Variants in DGLUCY observed in about 807,000 individuals in gnomAD.
The protein encoded by DGLUCY is D-glutamate cyclase, also known as D-glutamate cyclase, mitochondrial.
In DGLUCY, 58 loss-of-function variants were observed where a neutral mutation model predicts 58.5. That is an observed-to-expected ratio of 0.99 (90% CI 0.80 to 1.23). The LOEUF is 1.23. DGLUCY is among the 50% of genes most tolerant of loss of function. The pLI, the probability that DGLUCY is intolerant of heterozygous loss-of-function variation, is 0.00. For synonymous variants in DGLUCY, 325 were observed against 314.1 expected, an observed-to-expected ratio of 1.03 and a Z score of -0.37; for missense variants, 779 against 784.7, an observed-to-expected ratio of 0.99 and a Z score of 0.09.
At chr14:91,070,604 G>C (rs2043898632) in intron 1 of DGLUCY, among the ~76,000 whole-genome samples, 1 of 152,112 alleles carries the variant, frequency 6.6e-6, no homozygotes, top group South Asian at 2.1e-4. Context: ...AAACTGAGTG[G>C]CAAATCTCAA....
At chr14:91,061,481 A>G (rs1161276877) in intron 1 of DGLUCY, among the ~76,000 whole-genome samples, 1 of 152,268 alleles carries the variant, frequency 6.6e-6, no homozygotes, top group Admixed American at 6.5e-5. Context: ...CAAAAGAACT[A>G]TAAAGCAGAA....
At chr14:91,109,628 C>G (rs2044659866), upstream of DGLUCY, among the ~76,000 whole-genome samples, 1 of 152,074 alleles carries the variant, frequency 6.6e-6, no homozygotes, top group South Asian at 2.1e-4. Flanking sequence ...CTTCCTGGCT[C>G]CCAGATGGCC....
chr14:91,218,847 C>T (rs1887004832), intron 13 of DGLUCY, among the ~76,000 whole-genome samples: 1 of 152,108 alleles, frequency 6.6e-6, no homozygotes, highest in Non-Finnish European at 1.5e-5. Context: ...CGACACATGA[C>T]AGGCAATTTC....
chr14:91,105,941 G>A (rs940570754), upstream of DGLUCY, among the ~76,000 whole-genome samples: 4 of 152,172 alleles, frequency 2.6e-5, no homozygotes, highest in Admixed American at 2.6e-4. Flanking sequence ...GTAAGCAATT[G>A]TAACACAGTG....
intron 1 of DGLUCY, among the ~76,000 whole-genome samples, chr14:91,070,325 G>A (rs189671904): frequency 2.6e-5 from 4 of 152,174 alleles, no homozygotes; most frequent in African/African-American, 9.7e-5. Context: ...TTTGCTGGGG[G>A]CCTTGGCACC....
chr14:91,063,678 G>A (rs750080647), intron 1 of DGLUCY, among the ~76,000 whole-genome samples: 2 of 152,252 alleles, frequency 1.3e-5, no homozygotes, highest in African/African-American at 4.8e-5. Context: ...GAGCCTATTC[G>A]GTTGAGAGAT....
intron 1 of DGLUCY, among the ~76,000 whole-genome samples, chr14:91,132,478 CTTT>C (rs111238992): frequency 1.4e-5 from 2 of 142,552 alleles, no homozygotes; most frequent in East Asian, 2.0e-4. Context: ...ATAACTTTTT[CTTT>C]TTTTTTTTTT....
chr14:91,203,127 G>A (rs1053879108), intron 11 of DGLUCY, among the ~76,000 whole-genome samples: 4 of 152,198 alleles, frequency 2.6e-5, no homozygotes, highest in Admixed American at 6.5e-5. Flanking sequence ...ATGACAGGAT[G>A]GATGTGAAGC....
intron 3 of DGLUCY, chr14:91,165,149 A>AT (rs1408525120): frequency 2.4e-6 from 1 of 424,622 alleles, no homozygotes; most frequent in African/African-American, 2.1e-5. Context: ...ACATTGTTTC[A>AT]TTACCTAGTA....
intron 1 of DGLUCY, among the ~76,000 whole-genome samples, chr14:91,125,855 C>A (rs527861943): frequency 1.3e-5 from 2 of 152,096 alleles, no homozygotes; most frequent in African/African-American, 4.8e-5. Flanking sequence ...TTGCTTGAAC[C>A]GAGGAGATAG....
intron 8 of DGLUCY, among the ~76,000 whole-genome samples, chr14:91,181,888 G>A (rs1340070891): frequency 1.3e-5 from 2 of 151,196 alleles, no homozygotes; most frequent in Non-Finnish European, 2.9e-5. Context: ...CTCATGATCC[G>A]CCCACCTTGG....
chr14:91,069,837 G>A (rs920976107), intron 1 of DGLUCY, among the ~76,000 whole-genome samples: 10 of 144,618 alleles, frequency 6.9e-5, no homozygotes, highest in Non-Finnish European at 1.5e-5. Flanking sequence ...CTGGAGTGCA[G>A]TTGTGCAATC....
chr14:91,083,522 CAA>C (rs761458676), intron 1 of DGLUCY, among the ~76,000 whole-genome samples: 2 of 52,188 alleles, frequency 3.8e-5, no homozygotes. Flanking sequence ...GATTCCGTCT[CAA>C]AAAAAAAAAA....
intron 7 of DGLUCY, among the ~76,000 whole-genome samples, chr14:91,177,629 T>C (rs1004455021): frequency 2.6e-5 from 4 of 152,216 alleles, no homozygotes; most frequent in African/African-American, 9.6e-5. Context: ...TCATGGACAC[T>C]GGAAAATTCT....
intron 1 of DGLUCY, among the ~76,000 whole-genome samples, chr14:91,085,000 C>T (rs2044188668): frequency 6.6e-6 from 1 of 151,994 alleles, no homozygotes; most frequent in African/African-American, 2.4e-5. Context: ...AACAGTAATA[C>T]AGTCTGAGTC....
chr14:91,199,299 G>A (rs1171141237), intron 10 of DGLUCY, among the ~76,000 whole-genome samples: 4 of 150,078 alleles, frequency 2.7e-5, no homozygotes, highest in African/African-American at 4.9e-5. Flanking sequence ...TTACTCTGTC[G>A]CCCAGGCTGG....
At chr14:91,110,740 G>A (rs565071895), upstream of DGLUCY, among the ~76,000 whole-genome samples, 5 of 152,124 alleles carry the variant, frequency 3.3e-5, no homozygotes, top group African/African-American at 1.2e-4. Flanking sequence ...CCGGCCAATA[G>A]TTTGGGTTTC....
chr14:91,098,807 C>T (rs1174782068), intron 1 of DGLUCY, among the ~76,000 whole-genome samples: 1 of 152,210 alleles, frequency 6.6e-6, no homozygotes, highest in Non-Finnish European at 1.5e-5. Flanking sequence ...AGCACATCCT[C>T]GGTACACTCA....
intron 1 of DGLUCY, chr14:91,126,522 G>T: frequency 8.8e-6 from 2 of 226,332 alleles, no homozygotes; most frequent in Non-Finnish European, 1.9e-5. Context: ...CACAGAGCTT[G>T]TGACCTCCCT....
Sources: gnomAD v4.1 joint callset for allele counts (sites outside exome capture counted in the v4.1 genomes callset) on GRCh38, gnomAD v4.1.1 for gene constraint, MANE v1.5 for transcripts, NCBI Gene and HGNC (gene_info 2026-07-23, HGNC 2026-07-21) for gene names.